The following GRID2 variants were observed in gnomAD, a reference collection of about 807,000 sequenced individuals.
The protein encoded by GRID2 is glutamate ionotropic receptor delta type subunit 2, also known as glutamate receptor ionotropic, delta-2.
A neutral mutation model predicts 114.8 loss-of-function variants in GRID2; 33 were observed. The ratio of observed to expected loss-of-function variants is 0.29; its 90% CI spans 0.22 to 0.38. The LOEUF is 0.38. GRID2 is among the 10% of genes least tolerant of loss of function. The pLI, the probability that GRID2 is intolerant of heterozygous loss-of-function variation, is 1.00. For missense variants in GRID2, 1,184 were observed against 1,257.7 expected, an observed-to-expected ratio of 0.94 and a Z score of 0.89; for synonymous variants, 505 against 449.9, an observed-to-expected ratio of 1.12 and a Z score of -1.55.
intron 13 of GRID2, among the ~76,000 whole-genome samples, chr4:93,553,366 T>C (rs980472243): frequency 3.3e-5 from 5 of 152,222 alleles, no homozygotes; most frequent in African/African-American, 1.2e-4. Context: ...TGATTTGGAT[T>C]AACTGTGTTT....
At chr4:92,871,083 T>C (rs917259147) in intron 2 of GRID2, among the ~76,000 whole-genome samples, 1 of 152,148 alleles carries the variant, frequency 6.6e-6, no homozygotes, top group Non-Finnish European at 1.5e-5. Context: ...TTTTAAAACA[T>C]GTATTAGGTA....
At chr4:92,965,308 G>T (rs546883151) in intron 2 of GRID2, among the ~76,000 whole-genome samples, 1 of 151,240 alleles carries the variant, frequency 6.6e-6, no homozygotes, top group Non-Finnish European at 1.5e-5. Flanking sequence ...CACCATAAGA[G>T]ATATAACAAC....
intron 1 of GRID2, among the ~76,000 whole-genome samples, chr4:92,537,940 T>C (rs1039394478): frequency 6.6e-6 from 1 of 152,058 alleles, no homozygotes; most frequent in African/African-American, 2.4e-5. Context: ...CCTCTCTCCA[T>C]CTCTATAAGA....
intron 2 of GRID2, among the ~76,000 whole-genome samples, chr4:92,947,926 T>A (rs1751758611): frequency 6.6e-6 from 1 of 151,902 alleles, no homozygotes; most frequent in African/African-American, 2.4e-5. Flanking sequence ...CATTTTACAT[T>A]ATACTATCAG....
intron 1 of GRID2, among the ~76,000 whole-genome samples, chr4:92,484,397 T>C (rs1722765268): frequency 6.6e-6 from 1 of 152,126 alleles, no homozygotes. Context: ...AGCAGTAATA[T>C]ACTTTATTAT....
chr4:93,108,433 A>T (rs1732450393), intron 3 of GRID2, among the ~76,000 whole-genome samples: 1 of 152,118 alleles, frequency 6.6e-6, no homozygotes, highest in Non-Finnish European at 1.5e-5. Context: ...TTGTAATCAG[A>T]AGATTTCACA....
At chr4:93,526,830 A>G (rs1380337699) in intron 13 of GRID2, among the ~76,000 whole-genome samples, 3 of 152,176 alleles carry the variant, frequency 2.0e-5, no homozygotes, top group African/African-American at 7.2e-5. Context: ...AATAAATATA[A>G]AAATAAAATA....
intron 14 of GRID2, among the ~76,000 whole-genome samples, chr4:93,767,515 G>T (rs1578771588): frequency 1.3e-5 from 2 of 152,282 alleles, no homozygotes; most frequent in Admixed American, 1.3e-4. Context: ...TCCAGGTTGT[G>T]GGGGAGGTTT....
At chr4:93,158,238 G>C (rs187674783) in intron 4 of GRID2, among the ~76,000 whole-genome samples, 16 of 151,952 alleles carry the variant, frequency 1.1e-4, no homozygotes, top group South Asian at 2.1e-4. Flanking sequence ...GGGAGGGATA[G>C]AGAATAATGT....
intron 2 of GRID2, among the ~76,000 whole-genome samples, chr4:92,643,330 T>C (rs1731452761): frequency 1.3e-5 from 2 of 151,444 alleles, no homozygotes; most frequent in African/African-American, 4.8e-5. Flanking sequence ...CTACTGGAAG[T>C]CTTAGCCAGA....
Position 93,082,616 on chromosome 4 carries a change from T to G in GRID2, c.245-2379T>G, listed in dbSNP as rs1729966520. Among the ~76,000 whole-genome samples, 3 of 152,170 alleles carry G rather than the reference T, an allele frequency of 2.0e-5. No individual in the cohort carries two copies. In the South Asian group the frequency reaches 6.2e-4, roughly 32 times the overall value. ...AAAAGCACAGCAGGTAAAGCCAATT[T>G]CCCATCCTTGGACTGCACGATCTCT... On this transcript the variant is annotated intron_variant, in intron 2 of 15. Transcript: ENST00000282020.
chr4:92,428,621 T>C (rs1732278743), intron 1 of GRID2, among the ~76,000 whole-genome samples: 1 of 152,196 alleles, frequency 6.6e-6, no homozygotes, highest in South Asian at 2.1e-4. Context: ...ACTATTATGT[T>C]TTTTGCTAAT....
At chr4:92,727,268 T>C (rs2149321590) in intron 2 of GRID2, among the ~76,000 whole-genome samples, 1 of 152,224 alleles carries the variant, frequency 6.6e-6, no homozygotes, top group East Asian at 1.9e-4. Context: ...TGTTTTAAAG[T>C]GTTTCTGGGT....
At chr4:92,941,644 C>G (rs990902534) in intron 2 of GRID2, among the ~76,000 whole-genome samples, 1 of 152,128 alleles carries the variant, frequency 6.6e-6, no homozygotes, top group Non-Finnish European at 1.5e-5. Flanking sequence ...TTCTCCAGTT[C>G]TTTTAATTGT....
intron 8 of GRID2, among the ~76,000 whole-genome samples, chr4:93,317,493 G>A (rs935216749): frequency 1.3e-5 from 2 of 152,000 alleles, no homozygotes; most frequent in Admixed American, 6.6e-5. Context: ...AGAAGAGAAC[G>A]TTATGATTTT....
intron 8 of GRID2, among the ~76,000 whole-genome samples, chr4:93,309,833 A>G (rs1755825445): frequency 6.6e-6 from 1 of 152,198 alleles, no homozygotes; most frequent in South Asian, 2.1e-4. Context: ...GGAAGAGGGC[A>G]TGAGACCTAT....
intron 4 of GRID2, among the ~76,000 whole-genome samples, chr4:93,114,380 A>T (rs1733046451): frequency 6.6e-6 from 1 of 152,132 alleles, no homozygotes; most frequent in Admixed American, 6.6e-5. Context: ...TATACTTATA[A>T]TAATGTATCC....
In GRID2 at chr4:93,222,462, T is replaced by C. The variant is rs113937751; in HGVS notation, c.964-2152T>C. On this transcript the variant is annotated intron_variant, in intron 6 of 15. Coordinates refer to ENST00000282020, the MANE Select transcript of GRID2 (RefSeq NM_001510.4). ...CCCAACAATCTTTTTTTTAAATATA[T>C]ATATATATATATTTTTATTATACTT... 5.9e-3 allele frequency among the ~76,000 whole-genome samples: 885 copies of C among 150,802 alleles called. 3 individuals carry two copies. Among genetic ancestry groups the C allele is most frequent in the Non-Finnish European group, 1.0e-2 (675 of 67,680 alleles).
chr4:93,232,636 T>G (rs1746280860), intron 7 of GRID2, among the ~76,000 whole-genome samples: 1 of 151,398 alleles, frequency 6.6e-6, no homozygotes, highest in African/African-American at 2.4e-5. Flanking sequence ...ATTTATGTAA[T>G]TATTTTTAAT....
Sources: allele counts gnomAD v4.1 joint callset (sites outside exome capture counted in the v4.1 genomes callset), GRCh38; gene constraint gnomAD v4.1.1; transcripts MANE v1.5; gene names NCBI Gene and HGNC (gene_info 2026-07-23, HGNC 2026-07-21).